Variants in MAGI2 observed in about 807,000 individuals in gnomAD.
MAGI2 encodes the protein membrane-associated guanylate kinase, WW and PDZ domain-containing protein 2.
Under a neutral mutation model 133.3 loss-of-function variants are expected in MAGI2, and 35 were observed. The observed-to-expected ratio is 0.26, with a 90% CI of 0.20 to 0.35. The LOEUF is 0.35. Among genes scored for constraint, MAGI2 ranks in the 10% least tolerant of loss-of-function variants. The pLI is 1.00. For synonymous variants in MAGI2, 729 were observed against 710.6 expected, an observed-to-expected ratio of 1.03 and a Z score of -0.41; for missense variants, 1,636 against 1,863.4, an observed-to-expected ratio of 0.88 and a Z score of 2.25.
At chr7:78,826,422 G>T (rs11765539) in intron 2 of MAGI2, among the ~76,000 whole-genome samples, 1 of 151,020 alleles carries the variant, frequency 6.6e-6, no homozygotes, top group South Asian at 2.1e-4. Context: ...GCTACATACT[G>T]TAGGATCCTA....
chr7:79,108,754 A>G (rs542514537), intron 1 of MAGI2, among the ~76,000 whole-genome samples: 220 of 152,260 alleles, frequency 1.4e-3, no homozygotes, highest in African/African-American at 5.2e-3. Flanking sequence ...TTGAGAGGTG[A>G]TCCCCAGTGT....
intron 10 of MAGI2, among the ~76,000 whole-genome samples, chr7:78,237,655 T>C (rs1366711023): frequency 6.6e-6 from 1 of 152,170 alleles, no homozygotes; most frequent in Non-Finnish European, 1.5e-5. Flanking sequence ...CTTTTTATTT[T>C]TTTTATGGAT....
intron 20 of MAGI2, among the ~76,000 whole-genome samples, chr7:78,111,038 C>G (rs2150466629): frequency 6.6e-6 from 1 of 152,246 alleles, no homozygotes; most frequent in South Asian, 2.1e-4. Flanking sequence ...CTGAGTGACT[C>G]CCCTGCTCAT....
chr7:78,560,514 A>G lies in MAGI2; in HGVS notation c.539-38869T>C, dbSNP rs577051531. Among the ~76,000 whole-genome samples the G allele has an allele frequency of 2.6e-5, 4 of 152,372 alleles. No individual in the cohort carries two copies. In the South Asian group the frequency reaches 8.3e-4, roughly 32 times the overall value. Reference sequence around the variant, plus strand: ...AAATTATCATCTTCTAAGATAATTTATGATGTAAACGTTAATCTAAATACT... The same window carrying G: ...AAATTATCATCTTCTAAGATAATTTGTGATGTAAACGTTAATCTAAATACT... On this transcript the variant is annotated intron_variant, in intron 3 of 21. Transcript: ENST00000354212.
At position 78,778,395 on chromosome 7, in the gene MAGI2, G is replaced by A. The variant is rs115315879; in HGVS notation, c.419-151156C>T. On this transcript the variant is annotated intron_variant, in intron 2 of 21. Transcript: ENST00000354212. ...CACCTTATAACATGATCAAAATTCA[G>A]TAGAATAAACTGTGCAAATTAGTAT... 3.9e-3 allele frequency among the ~76,000 whole-genome samples: 587 copies of A among 152,234 alleles called. 3 individuals are homozygous for A. The highest frequency in any genetic ancestry group is 0.014 in the African/African-American group (566 of 41,538).
At chr7:78,243,896 A>G (rs1210905983) in intron 10 of MAGI2, among the ~76,000 whole-genome samples, 12 of 152,016 alleles carry the variant, frequency 7.9e-5, no homozygotes, top group Admixed American at 7.9e-4. Flanking sequence ...AGTGTCCTTG[A>G]GCAAAGTGTA....
chr7:78,993,345 A>T (rs1233334553), intron 2 of MAGI2, among the ~76,000 whole-genome samples: 4 of 152,108 alleles, frequency 2.6e-5, no homozygotes, highest in Non-Finnish European at 5.9e-5. Flanking sequence ...AAAACAAGGC[A>T]TTTAAAACTT....
At chr7:78,848,276 C>A (rs976795204) in intron 2 of MAGI2, among the ~76,000 whole-genome samples, 43 of 151,966 alleles carry the variant, frequency 2.8e-4, no homozygotes, top group South Asian at 2.1e-4. Flanking sequence ...TTGCTCAAGT[C>A]CCAAAGCATC....
chr7:78,509,740 C>G (rs1190297183), intron 4 of MAGI2, among the ~76,000 whole-genome samples: 1 of 152,148 alleles, frequency 6.6e-6, no homozygotes, highest in Non-Finnish European at 1.5e-5. Context: ...TAAAGAATAA[C>G]CAGAAGCCAA....
intron 1 of MAGI2, among the ~76,000 whole-genome samples, chr7:79,195,624 C>T (rs1234878358): frequency 1.3e-5 from 2 of 151,944 alleles, no homozygotes; most frequent in Non-Finnish European, 2.9e-5. Flanking sequence ...GCTCAACTGC[C>T]TTTCTGCCCA....
At chr7:79,445,575 T>A (rs570256126) in intron 1 of MAGI2, among the ~76,000 whole-genome samples, 1 of 152,342 alleles carries the variant, frequency 6.6e-6, no homozygotes, top group South Asian at 2.1e-4. Flanking sequence ...ATGCTCATCA[T>A]CACTGGCCAT....
intron 3 of MAGI2, among the ~76,000 whole-genome samples, chr7:78,557,294 T>C (rs536336193): frequency 6.6e-6 from 1 of 152,230 alleles, no homozygotes; most frequent in Admixed American, 6.5e-5. Flanking sequence ...ACTGTATATA[T>C]CTTGCCAGAA....
chr7:78,891,449 C>A (rs1344818634), intron 2 of MAGI2, among the ~76,000 whole-genome samples: 1 of 152,154 alleles, frequency 6.6e-6, no homozygotes, highest in Non-Finnish European at 1.5e-5. Flanking sequence ...AGACCAATAT[C>A]CCTGATGAAC....
intron 21 of MAGI2, among the ~76,000 whole-genome samples, chr7:78,038,419 T>C (rs1810464336): frequency 6.8e-6 from 1 of 147,128 alleles, no homozygotes; most frequent in South Asian, 2.2e-4. Flanking sequence ...TAATTAACTT[T>C]AATTTTATTG....
At chr7:78,057,997 A>ATGTGTGTGTGTG (rs369803912) in intron 21 of MAGI2, among the ~76,000 whole-genome samples, 2 of 40,008 alleles carry the variant, frequency 5.0e-5, no homozygotes, top group Non-Finnish European at 8.4e-5. Context: ...ATATATATAT[A>ATGTGTGTGTGTG]TATATATGTA....
At chr7:78,196,092 A>C (rs554379468) in intron 11 of MAGI2, among the ~76,000 whole-genome samples, 3 of 152,188 alleles carry the variant, frequency 2.0e-5, no homozygotes, top group East Asian at 1.9e-4. Context: ...CTGGCTTCTC[A>C]TTCCCGAGGA....
At chr7:79,376,334 G>T (rs914232119) in intron 1 of MAGI2, among the ~76,000 whole-genome samples, 1 of 151,766 alleles carries the variant, frequency 6.6e-6, no homozygotes, top group Non-Finnish European at 1.5e-5. Context: ...ATATGAATAT[G>T]GTTTCTCTCT....
intron 6 of MAGI2, among the ~76,000 whole-genome samples, chr7:78,390,348 G>A (rs1795786675): frequency 6.6e-6 from 1 of 152,146 alleles, no homozygotes; most frequent in Non-Finnish European, 1.5e-5. Context: ...CTTTACATAT[G>A]GCACAGCAGA....
chr7:78,260,142 T>C (rs997332763), intron 9 of MAGI2, among the ~76,000 whole-genome samples: 33 of 152,156 alleles, frequency 2.2e-4, no homozygotes, highest in African/African-American at 7.5e-4. Context: ...TATATAGATG[T>C]CTAGATAATA....
Sources: allele counts gnomAD v4.1 joint callset (sites outside exome capture counted in the v4.1 genomes callset), GRCh38; gene constraint gnomAD v4.1.1; transcripts MANE v1.5; gene names NCBI Gene and HGNC (gene_info 2026-07-23, HGNC 2026-07-21).